The following BCKDHB variants were observed in gnomAD, a reference collection of about 807,000 sequenced individuals.
The protein encoded by BCKDHB is 2-oxoisovalerate dehydrogenase subunit beta, mitochondrial.
BCKDHB carries 41 observed loss-of-function variants against 48.5 expected under a neutral mutation model. The observed-to-expected ratio is 0.85, with a 90% CI of 0.66 to 1.10. The LOEUF is 1.10. Among genes scored for constraint, BCKDHB ranks in the 50% least tolerant of loss-of-function variants. The pLI is 0.00. For missense variants in BCKDHB, 496 were observed against 494.2 expected, an observed-to-expected ratio of 1.00 and a Z score of -0.03; for synonymous variants, 201 against 174.8, an observed-to-expected ratio of 1.15 and a Z score of -1.18.
the BCKDHB span, chr6:80,355,929 C>CT: frequency 6.6e-6 from 1 of 152,196 alleles, no homozygotes; most frequent in Non-Finnish European, 1.5e-5. Flanking sequence ...TGACAGTGCT[C>CT]TTATTCTCTC....
intron 1 of BCKDHB, among the ~76,000 whole-genome samples, chr6:80,115,883 C>G (rs554301977): frequency 2.0e-5 from 3 of 147,416 alleles, no homozygotes; most frequent in East Asian, 4.1e-4. Flanking sequence ...TGATCCACCC[C>G]CCTCGGCCTC....
At chr6:80,260,165 A>C (rs1375295375) in intron 8 of BCKDHB, among the ~76,000 whole-genome samples, 2 of 152,042 alleles carry the variant, frequency 1.3e-5, no homozygotes, top group African/African-American at 4.8e-5. Context: ...AGCTGCCAAT[A>C]CTGATGGCCA....
chr6:80,210,569 A>G (rs1774876784), intron 8 of BCKDHB, among the ~76,000 whole-genome samples: 1 of 152,076 alleles, frequency 6.6e-6, no homozygotes, highest in Admixed American at 6.5e-5. Flanking sequence ...TATATATGTT[A>G]AACTTGAACA....
At chr6:80,428,093 A>G in the BCKDHB span, among the ~76,000 whole-genome samples, 4 of 150,688 alleles carry the variant, frequency 2.7e-5, 1 homozygote, top group East Asian at 3.9e-4. Context: ...TCATTGTTCA[A>G]CTCCCACTTA....
chr6:80,250,414 A>G (rs946119095), intron 8 of BCKDHB, among the ~76,000 whole-genome samples: 21 of 152,190 alleles, frequency 1.4e-4, no homozygotes, highest in African/African-American at 4.8e-4. Context: ...CTTTTGCAAC[A>G]TGTATTCAGT....
rs191468623 is a variant in BCKDHB, at chr6:80,294,289, C to A, written c.1038+21068C>A. Among the ~76,000 whole-genome samples, 27 of 152,110 alleles carry A rather than the reference C, an allele frequency of 1.8e-4. No homozygotes were observed. The East Asian group carries it at 4.4e-3, about 25-fold the overall frequency. On this transcript the variant is annotated intron_variant, in intron 9 of 9. Coordinates refer to ENST00000320393, the MANE Select transcript of BCKDHB (RefSeq NM_183050.4). ...TACTTTAATCTCTTAATCCTGTTAT[C>A]TTCATAAGCTGAGGATATACTTCAC...
At chr6:80,373,284 G>A in the BCKDHB span, among the ~76,000 whole-genome samples, 14 of 151,864 alleles carry the variant, frequency 9.2e-5, no homozygotes, top group South Asian at 4.2e-4. Context: ...CTGTGGTTTC[G>A]GTTGACATAT....
the BCKDHB span, among the ~76,000 whole-genome samples, chr6:80,411,571 G>T: frequency 5.9e-5 from 9 of 152,240 alleles, no homozygotes; most frequent in Non-Finnish European, 1.3e-4. Context: ...GCCCACAGAG[G>T]TGGAGTCTAT....
the BCKDHB span, among the ~76,000 whole-genome samples, chr6:80,381,064 A>T: frequency 2.6e-5 from 4 of 152,040 alleles, no homozygotes; most frequent in Non-Finnish European, 4.4e-5. Flanking sequence ...AGGTAGGTAT[A>T]TAATTCAGAC....
chr6:80,447,119 GTTT>G, the BCKDHB span, among the ~76,000 whole-genome samples: 2 of 152,082 alleles, frequency 1.3e-5, no homozygotes, highest in African/African-American at 4.8e-5. Context: ...ATAAAAACTA[GTTT>G]TTTTCTGGAT....
Position 80,317,484 on chromosome 6 carries a change from C to T in BCKDHB, c.1039-26180C>T, listed in dbSNP as rs534047178. Among the ~76,000 whole-genome samples, 30 of 152,258 alleles carry T rather than the reference C, an allele frequency of 2.0e-4. 1 individual carries two copies. The highest frequency in any genetic ancestry group is 1.9e-3 in the East Asian group (10 of 5,170). On this transcript the variant is annotated intron_variant, in intron 9 of 9. Transcript: ENST00000320393. ...TCAAAGCCACAGAAATTGCATCTCG[C>T]GCATCTCGCTGACCCTTCTTCTATA... is the stretch of plus-strand genomic sequence containing the variant.
intron 1 of BCKDHB, among the ~76,000 whole-genome samples, chr6:80,122,867 T>C (rs1348112832): frequency 6.6e-6 from 1 of 152,058 alleles, no homozygotes; most frequent in Non-Finnish European, 1.5e-5. Context: ...CCCACCCTAA[T>C]AAGCCTGAGG....
chr6:80,444,944 T>TAA, the BCKDHB span, among the ~76,000 whole-genome samples: 1 of 152,214 alleles, frequency 6.6e-6, no homozygotes, highest in Non-Finnish European at 1.5e-5. Context: ...TCCTTCCTGA[T>TAA]ACAGAATTTT....
chr6:80,184,777 G>T (rs2127796290), intron 6 of BCKDHB, among the ~76,000 whole-genome samples: 1 of 152,224 alleles, frequency 6.6e-6, no homozygotes, highest in South Asian at 2.1e-4. Flanking sequence ...ATCCCTCTTG[G>T]CTTGTAGGGT....
At chr6:80,322,686 G>A (rs1768798453) in intron 9 of BCKDHB, among the ~76,000 whole-genome samples, 2 of 152,086 alleles carry the variant, frequency 1.3e-5, no homozygotes, top group South Asian at 4.1e-4. Context: ...GGACTTTAAA[G>A]TTGCAAAAAT....
chr6:80,321,247 A>G (rs550613831), intron 9 of BCKDHB, among the ~76,000 whole-genome samples: 1 of 152,312 alleles, frequency 6.6e-6, no homozygotes, highest in African/African-American at 2.4e-5. Flanking sequence ...AGTGGTTAGG[A>G]GCAGTACACA....
chr6:80,180,494 A>G (rs971155657), intron 6 of BCKDHB, among the ~76,000 whole-genome samples: 2 of 152,206 alleles, frequency 1.3e-5, no homozygotes, highest in African/African-American at 4.8e-5. Context: ...ACTTAATTGA[A>G]TGACACATGA....
At chr6:80,319,617 G>GCAGGT (rs1273487845) in intron 9 of BCKDHB, among the ~76,000 whole-genome samples, 2 of 152,172 alleles carry the variant, frequency 1.3e-5, no homozygotes, top group East Asian at 3.8e-4. Context: ...CATTTTGAAG[G>GCAGGT]CAGGTGTATA....
Position 80,106,683 on chromosome 6 carries a change from G to T in BCKDHB, c.-11G>T. 6.4e-7 allele frequency: 1 copy of T among 1,551,698 alleles called. No homozygotes were observed. Among genetic ancestry groups the T allele is most frequent in the East Asian group, 2.4e-5 (1 of 41,108 alleles). ...GGCTGCATAGCCTGAGAATCCCGGT[G>T]GTGAGCGGGGATGGCGGTTGTAGCG... On this transcript the variant is annotated 5_prime_UTR_variant, in exon 1 of 10. Transcript: ENST00000320393.
Sources: gnomAD v4.1 joint callset for allele counts (sites outside exome capture counted in the v4.1 genomes callset) on GRCh38, gnomAD v4.1.1 for gene constraint, MANE v1.5 for transcripts, NCBI Gene and HGNC (gene_info 2026-07-23, HGNC 2026-07-21) for gene names.